Variants in ZMYND8 observed in about 807,000 individuals in gnomAD.
ZMYND8 encodes zinc finger MYND-type containing 8, also known as MYND-type zinc finger-containing chromatin reader ZMYND8.
ZMYND8 carries 37 observed loss-of-function variants against 140.8 expected under a neutral mutation model. The observed-to-expected ratio is 0.26, with a 90% confidence interval of 0.20 to 0.35. The LOEUF (loss-of-function observed/expected upper bound fraction) is 0.35. Ranked by LOEUF, ZMYND8 falls within the 10% of genes least tolerant of loss-of-function variation. The probability of loss-of-function intolerance (pLI) is 1.00; values close to 1 mark genes in which losing one functional copy is unlikely to be tolerated. For synonymous variants in ZMYND8, 592 were observed against 597.1 expected, an observed-to-expected ratio of 0.99 and a Z score of 0.12; for missense variants, 1,068 against 1,570.0, an observed-to-expected ratio of 0.68 and a Z score of 5.40.
chr20:47,348,151 T>C, intron 1 of ZMYND8: 1 of 559,956 alleles, frequency 1.8e-6, no homozygotes, highest in Non-Finnish European at 3.2e-6. Flanking sequence ...CAAATTACTA[T>C]TCCAGTTGTC....
chr20:47,312,762 T>A (rs1324822964), intron 2 of ZMYND8, among the ~76,000 whole-genome samples: 3 of 146,792 alleles, frequency 2.0e-5, no homozygotes, highest in Non-Finnish European at 4.5e-5. Context: ...TGCACTCCAG[T>A]CTGGGCGACA....
intron 10 of ZMYND8, among the ~76,000 whole-genome samples, chr20:47,277,193 T>A (rs1194358762): frequency 6.6e-6 from 1 of 152,190 alleles, no homozygotes; most frequent in Admixed American, 6.5e-5. Context: ...CCATTTGAAA[T>A]AGGAACAGAA....
Position 47,276,531 on chromosome 20 carries a change from A to G in ZMYND8, c.1263T>C (p.Phe421=), listed in dbSNP as rs1438709964. The change falls in exon 11 of 23, where the codon TTT becomes TTC. Residue 421 remains phenylalanine (F), a synonymous_variant. Transcript: ENST00000471951. ...IDKQEKVKLN[F]DMTASPKILM... ...GGATCTTGGGGGATGCCGTCATGTCAAAGTTGAGCTTGACCTTCTCCTGCT... is the reference window on the plus strand; with the variant it reads ...GGATCTTGGGGGATGCCGTCATGTCGAAGTTGAGCTTGACCTTCTCCTGCT... 1.2e-6 allele frequency: 2 copies of G among 1,613,696 alleles called. No individual in the cohort carries two copies. Among genetic ancestry groups the G allele is most frequent in the Non-Finnish European group, 1.7e-6 (2 of 1,180,008 alleles).
intron 12 of ZMYND8, among the ~76,000 whole-genome samples, chr20:47,251,423 C>CA (rs1368908547): frequency 3.3e-5 from 5 of 151,818 alleles, no homozygotes; most frequent in East Asian, 1.9e-4. Context: ...CCCATCTCTA[C>CA]AAAAAATACA....
At chr20:47,233,126 C>T (rs1489956511) in intron 16 of ZMYND8, among the ~76,000 whole-genome samples, 5 of 151,442 alleles carry the variant, frequency 3.3e-5, no homozygotes, top group African/African-American at 7.3e-5. Flanking sequence ...AGGCTAGTCT[C>T]GAACTCCTGA....
At chr20:47,328,505 C>T (rs1350438212) in intron 2 of ZMYND8, among the ~76,000 whole-genome samples, 1 of 152,062 alleles carries the variant, frequency 6.6e-6, no homozygotes, top group Admixed American at 6.6e-5. Flanking sequence ...AGTCTGTTGT[C>T]CAAGCTGGAG....
chr20:47,305,109 T>C (rs572537299), intron 3 of ZMYND8, among the ~76,000 whole-genome samples: 4 of 151,726 alleles, frequency 2.6e-5, no homozygotes, highest in South Asian at 4.2e-4. Context: ...CCAGGCATGT[T>C]GGGGAACAGC....
At chr20:47,322,953 T>TG (rs1308953617) in intron 2 of ZMYND8, among the ~76,000 whole-genome samples, 3 of 152,174 alleles carry the variant, frequency 2.0e-5, no homozygotes, top group Admixed American at 6.5e-5. Context: ...GTTCAGTGTG[T>TG]GGGCTCTGGA....
chr20:47,349,606 T>C (rs1349065197), intron 1 of ZMYND8, among the ~76,000 whole-genome samples: 2 of 152,138 alleles, frequency 1.3e-5, no homozygotes. Flanking sequence ...TGACTGGAAA[T>C]ACATCTTAAC....
intron 3 of ZMYND8, among the ~76,000 whole-genome samples, chr20:47,299,879 G>C (rs955180776): frequency 1.3e-5 from 2 of 152,126 alleles, no homozygotes; most frequent in African/African-American, 4.8e-5. Flanking sequence ...ACTGCACCCG[G>C]CCAGTTATCT....
chr20:47,353,594 A>G (rs1304650379), intron 1 of ZMYND8: 2 of 152,286 alleles, frequency 1.3e-5, no homozygotes, highest in Non-Finnish European at 2.9e-5. Context: ...CCAAAGCAGA[A>G]AGTGAATCCA....
At chr20:47,281,010 T>A (rs186668344) in intron 10 of ZMYND8, among the ~76,000 whole-genome samples, 1 of 152,196 alleles carries the variant, frequency 6.6e-6, no homozygotes, top group Admixed American at 6.5e-5. Flanking sequence ...ATCATCCTTC[T>A]TCCCCGCTAG....
At chr20:47,296,116 TA>T (rs2077621088) in intron 4 of ZMYND8, among the ~76,000 whole-genome samples, 2 of 152,278 alleles carry the variant, frequency 1.3e-5, no homozygotes, top group East Asian at 3.9e-4. Context: ...TTGACTGCCG[TA>T]ACAACTCATC....
rs538571345 is a variant in ZMYND8, at chr20:47,241,704, G to A, written c.2285-2566C>T. Among the ~76,000 whole-genome samples, 150 of 152,126 alleles carry A rather than the reference G, an allele frequency of 9.9e-4. 4 individuals are homozygous for A. The South Asian group carries it at 0.03, about 31-fold the overall frequency. ...GTAAGGTGAGCCTATGCCCCAGAGA[G>A]GATATCTGGGGAACACACACCACAC... On this transcript the variant is annotated intron_variant, in intron 14 of 22. Transcript: ENST00000471951.
chr20:47,346,026 A>G (rs2082309730), intron 2 of ZMYND8, among the ~76,000 whole-genome samples: 1 of 152,160 alleles, frequency 6.6e-6, no homozygotes, highest in Non-Finnish European at 1.5e-5. Flanking sequence ...AAAAGAGAGA[A>G]AGAGACAATG....
At chr20:47,260,845 A>G (rs901681097) in intron 12 of ZMYND8, among the ~76,000 whole-genome samples, 9 of 152,204 alleles carry the variant, frequency 5.9e-5, no homozygotes, top group Admixed American at 2.0e-4. Context: ...TTTGTACTCT[A>G]TTTCCATGCC....
intron 18 of ZMYND8, 64 bp from the exon 19 acceptor site, chr20:47,224,620 C>T: frequency 6.3e-7 from 1 of 1,595,692 alleles, no homozygotes; most frequent in Admixed American, 1.7e-5. Context: ...GGGGTTATTC[C>T]TGCCCCCAGA....
rs2036928293 is a variant in ZMYND8 at position 47,221,478 on chromosome 20, G to C, written c.3257-4C>G. 2.5e-6 allele frequency: 4 copies of C among 1,613,534 alleles called. No homozygotes were observed. The highest frequency in any genetic ancestry group is 3.4e-6 in the Non-Finnish European group (4 of 1,179,856). ...GCTTCCTGCTGAGGAGCAGTAGCTG[G>C]GGACAAAGGAGAGAGAGAGACGCCA... On this transcript the variant is annotated splice_region_variant and splice_polypyrimidine_tract_variant and intron_variant, in intron 19 of 22. Coordinates refer to ENST00000471951, the MANE Select transcript of ZMYND8 (RefSeq NM_001281775.3).
At chr20:47,353,553 C>T (rs1382003272) in intron 1 of ZMYND8, 1 of 152,158 alleles carries the variant, frequency 6.6e-6, no homozygotes, top group East Asian at 1.9e-4. Context: ...GCAGTTACTC[C>T]CCCTCCCCCA....
Sources: allele counts gnomAD v4.1 joint callset (sites outside exome capture counted in the v4.1 genomes callset), GRCh38; gene constraint gnomAD v4.1.1; transcripts MANE v1.5; gene names NCBI Gene and HGNC (gene_info 2026-07-23, HGNC 2026-07-21).